The following PDE4D variants were observed in gnomAD, a reference collection of about 807,000 sequenced individuals.
PDE4D encodes phosphodiesterase 4D, also known as 3',5'-cyclic-AMP phosphodiesterase 4D.
Under a neutral mutation model 87.4 loss-of-function variants are expected in PDE4D, and 24 were observed. That is an observed-to-expected ratio of 0.27 (90% CI 0.20 to 0.39). The LOEUF (loss-of-function observed/expected upper bound fraction) is 0.39. PDE4D is among the 10% of genes least tolerant of loss of function. PDE4D has a pLI of 1.00. For synonymous variants in PDE4D, 384 were observed against 383.2 expected, an observed-to-expected ratio of 1.00 and a Z score of -0.02; for missense variants, 714 against 1,041.0, an observed-to-expected ratio of 0.69 and a Z score of 4.32.
At chr5:60,336,800 C>A (rs974887574) in intron 1 of PDE4D, among the ~76,000 whole-genome samples, 1 of 152,146 alleles carries the variant, frequency 6.6e-6, no homozygotes, top group East Asian at 1.9e-4. Context: ...ACTGGCAATA[C>A]CCATCCAGTG....
intron 1 of PDE4D, among the ~76,000 whole-genome samples, chr5:59,714,816 T>C (rs1048336143): frequency 6.6e-6 from 1 of 152,252 alleles, no homozygotes; most frequent in Non-Finnish European, 1.5e-5. Context: ...GAAGCGGCAA[T>C]GCTCCTCTTG....
chr5:60,094,484 CA>C (rs1442418110), intron 2 of PDE4D, among the ~76,000 whole-genome samples: 2 of 151,610 alleles, frequency 1.3e-5, no homozygotes, highest in Non-Finnish European at 2.9e-5. Context: ...CACCCACCCC[CA>C]GTACTTTAGA....
chr5:59,588,632 T>G (rs1054426950), intron 1 of PDE4D, among the ~76,000 whole-genome samples: 2 of 152,168 alleles, frequency 1.3e-5, no homozygotes, highest in African/African-American at 4.8e-5. Context: ...AAAACTAATC[T>G]TAAAAACCAC....
intron 1 of PDE4D, among the ~76,000 whole-genome samples, chr5:59,838,397 C>T (rs1048647647): frequency 3.3e-5 from 5 of 152,062 alleles, no homozygotes; most frequent in Admixed American, 1.3e-4. Context: ...TGCCGGATCT[C>T]CAGTCCAGGG....
At chr5:60,065,481 C>A (rs561097788) in intron 2 of PDE4D, among the ~76,000 whole-genome samples, 1 of 151,818 alleles carries the variant, frequency 6.6e-6, no homozygotes, top group Non-Finnish European at 1.5e-5. Flanking sequence ...TACATGTGTA[C>A]AATGTGCAGG....
intron 1 of PDE4D, among the ~76,000 whole-genome samples, chr5:59,223,643 T>C (rs1311272374): frequency 6.6e-6 from 1 of 152,194 alleles, no homozygotes; most frequent in Non-Finnish European, 1.5e-5. Context: ...TACTTCTCTA[T>C]TGAAAATTTC....
intron 3 of PDE4D, among the ~76,000 whole-genome samples, chr5:59,969,449 G>A (rs779387413): frequency 1.3e-5 from 2 of 152,162 alleles, no homozygotes; most frequent in African/African-American, 4.8e-5. Context: ...TGGAGGGAAA[G>A]GAGTACTCTC....
intron 1 of PDE4D, among the ~76,000 whole-genome samples, chr5:60,258,156 A>C (rs1583232425): frequency 2.0e-5 from 3 of 151,754 alleles, no homozygotes; most frequent in Non-Finnish European, 4.4e-5. Context: ...AGAACAAGCT[A>C]CTCCAGCTGC....
intron 1 of PDE4D, among the ~76,000 whole-genome samples, chr5:60,515,683 T>C (rs1274270857): frequency 6.6e-6 from 1 of 151,184 alleles, no homozygotes; most frequent in Non-Finnish European, 1.5e-5. Context: ...CCATTATGTA[T>C]GATACGGATG....
intron 2 of PDE4D, among the ~76,000 whole-genome samples, chr5:59,990,870 G>T (rs1229642688): frequency 6.6e-6 from 1 of 152,072 alleles, no homozygotes; most frequent in East Asian, 1.9e-4. Context: ...AAAGTCCTAT[G>T]TCCAGGGAAA....
intron 2 of PDE4D, among the ~76,000 whole-genome samples, chr5:60,106,644 T>C (rs1776959388): frequency 1.3e-5 from 2 of 151,570 alleles, no homozygotes; most frequent in Admixed American, 6.6e-5. Context: ...AGAACAGAAA[T>C]TATAACAAAC....
chr5:59,022,207 T>C (rs2968006), intron 6 of PDE4D, among the ~76,000 whole-genome samples: 127,844 of 152,116 alleles, frequency 0.84, 53,802 homozygotes, highest in Admixed American at 0.9. Context: ...TACTTCAAGG[T>C]TCTCCTAAAG....
intron 5 of PDE4D, among the ~76,000 whole-genome samples, chr5:59,043,958 A>T (rs1272238896): frequency 1.3e-5 from 2 of 152,228 alleles, no homozygotes; most frequent in East Asian, 1.9e-4. Flanking sequence ...TCTATCATTG[A>T]TGGACATTTG....
chr5:59,759,009 T>C (rs1761634609), intron 1 of PDE4D, among the ~76,000 whole-genome samples: 2 of 152,144 alleles, frequency 1.3e-5, no homozygotes, highest in African/African-American at 2.4e-5. Flanking sequence ...GATTTCAATA[T>C]ACTGAATGAA....
At chr5:59,415,272 G>A (rs748113225) in intron 1 of PDE4D, among the ~76,000 whole-genome samples, 4 of 152,086 alleles carry the variant, frequency 2.6e-5, no homozygotes, top group African/African-American at 9.7e-5. Context: ...GAAAAATACG[G>A]GATTTTCTTC....
chr5:60,349,188 GC>G (rs1438630094), intron 1 of PDE4D, among the ~76,000 whole-genome samples: 8 of 152,134 alleles, frequency 5.3e-5, no homozygotes, highest in Non-Finnish European at 1.2e-4. Context: ...TTAATGCACT[GC>G]CCCAGCCACT....
intron 2 of PDE4D, among the ~76,000 whole-genome samples, chr5:60,075,555 C>T (rs1773194900): frequency 6.6e-6 from 1 of 152,152 alleles, no homozygotes; most frequent in Non-Finnish European, 1.5e-5. Context: ...GCTGGCCTCA[C>T]TAGCTAGGTT....
intron 2 of PDE4D, among the ~76,000 whole-genome samples, chr5:60,149,328 TAG>T (rs1781289165): frequency 6.6e-6 from 1 of 152,102 alleles, no homozygotes; most frequent in Non-Finnish European, 1.5e-5. Flanking sequence ...GCACATGAAA[TAG>T]AGAGAGCTTG....
intron 1 of PDE4D, among the ~76,000 whole-genome samples, chr5:59,400,881 A>C (rs1278841930): frequency 6.6e-6 from 1 of 152,218 alleles, no homozygotes; most frequent in African/African-American, 2.4e-5. Context: ...GTATTTGCTA[A>C]GTTTTAGGTA....
Sources: allele counts gnomAD v4.1 joint callset (sites outside exome capture counted in the v4.1 genomes callset), GRCh38; gene constraint gnomAD v4.1.1; transcripts MANE v1.5; gene names NCBI Gene and HGNC (gene_info 2026-07-23, HGNC 2026-07-21).